The following SEMA6D variants were observed in gnomAD, a reference collection of about 807,000 sequenced individuals.
SEMA6D encodes the protein semaphorin-6D.
In SEMA6D, 35 loss-of-function variants were observed where a neutral mutation model predicts 106.6. The ratio of observed to expected loss-of-function variants is 0.33; its 90% CI spans 0.25 to 0.44. SEMA6D has a LOEUF of 0.44. SEMA6D is among the 20% of genes least tolerant of loss of function. The pLI, the probability that SEMA6D is intolerant of heterozygous loss-of-function variation, is 1.00. For synonymous variants in SEMA6D, 499 were observed against 487.7 expected (o/e 1.02, Z -0.31); for missense variants, 1,185 against 1,345.9 (o/e 0.88, Z 1.87).
intron 1 of SEMA6D, among the ~76,000 whole-genome samples, chr15:47,307,225 TAAC>T: frequency 6.6e-6 from 1 of 152,256 alleles, no homozygotes. Context: ...CTGTTACTAT[TAAC>T]AAATTCCTTG....
intron 3 of SEMA6D, among the ~76,000 whole-genome samples, chr15:47,508,465 T>C (rs1302543880): frequency 6.6e-6 from 1 of 152,182 alleles, no homozygotes; most frequent in Non-Finnish European, 1.5e-5. Context: ...CGGATTTTTC[T>C]GAAAACCCTG....
At chr15:47,264,349 T>TA (rs2034216937) in intron 1 of SEMA6D, among the ~76,000 whole-genome samples, 1 of 151,824 alleles carries the variant, frequency 6.6e-6, no homozygotes, top group Non-Finnish European at 1.5e-5. Context: ...AGGTTTTTTT[T>TA]TTTTAAATAT....
intron 3 of SEMA6D, among the ~76,000 whole-genome samples, chr15:47,482,018 A>T (rs919036772): frequency 6.6e-6 from 1 of 152,136 alleles, no homozygotes; most frequent in Non-Finnish European, 1.5e-5. Flanking sequence ...CGAGAGTTGG[A>T]CAGAGTTGAG....
intron 1 of SEMA6D, among the ~76,000 whole-genome samples, chr15:47,318,881 C>G (rs1595721339): frequency 1.3e-5 from 2 of 151,274 alleles, no homozygotes; most frequent in East Asian, 3.9e-4. Context: ...TACAGTCCCA[C>G]CAACAGTGTA....
chr15:47,540,556 A>G (rs2045324294), intron 3 of SEMA6D, among the ~76,000 whole-genome samples: 1 of 152,214 alleles, frequency 6.6e-6, no homozygotes, highest in South Asian at 2.1e-4. Context: ...GTTCTTAGCC[A>G]GTATGCACCA....
chr15:47,532,979 T>C (rs1440996805), intron 3 of SEMA6D, among the ~76,000 whole-genome samples: 1 of 152,172 alleles, frequency 6.6e-6, no homozygotes, highest in Non-Finnish European at 1.5e-5. Context: ...ATGATCATGA[T>C]GAGGCTACCA....
In SEMA6D at chr15:47,711,081, G is replaced by A. The variant is rs371652625; in HGVS notation, c.-54-48664G>A. On this transcript the variant is annotated intron_variant, in intron 4 of 19. Transcript: ENST00000558014. Reference sequence around the variant, plus strand: ...TCCCAGCACTTTGGGAGGCCGAGGCGGGCGGATCACGAGGTCAGGAGATCG... The same window carrying A: ...TCCCAGCACTTTGGGAGGCCGAGGCAGGCGGATCACGAGGTCAGGAGATCG... Among the ~76,000 whole-genome samples, 7 of 151,976 alleles carry A rather than the reference G, an allele frequency of 4.6e-5. No homozygotes were observed. In the East Asian group the frequency reaches 9.7e-4, roughly 21 times the overall value.
intron 1 of SEMA6D, among the ~76,000 whole-genome samples, chr15:47,196,668 A>C (rs1894382149): frequency 6.6e-6 from 1 of 152,206 alleles, no homozygotes; most frequent in Non-Finnish European, 1.5e-5. Context: ...AGGCAGAGCT[A>C]TGTAAAATGT....
rs150422339 is a variant in SEMA6D at position 47,746,576 on chromosome 15, A to T, written c.-54-13169A>T. On this transcript the variant is annotated intron_variant, in intron 1 of 18. Transcript: ENST00000536845. ...TGGTTGCATCAGACAAGTCAGTAGCATCAGAACAAACATACTCTACTTCTG... is the reference window on the plus strand; with the variant it reads ...TGGTTGCATCAGACAAGTCAGTAGCTTCAGAACAAACATACTCTACTTCTG... Among the ~76,000 whole-genome samples, 1,243 of 152,330 alleles carry T rather than the reference A, an allele frequency of 8.2e-3. 13 individuals carry two copies. The highest frequency in any genetic ancestry group is 0.029 in the African/African-American group (1,213 of 41,568).
intron 3 of SEMA6D, among the ~76,000 whole-genome samples, chr15:47,595,728 T>C (rs1269126654): frequency 2.6e-5 from 4 of 152,140 alleles, no homozygotes. Flanking sequence ...GGAGAAAATT[T>C]TATTGTTGAT....
chr15:47,380,952 T>C (rs886253055), intron 1 of SEMA6D, among the ~76,000 whole-genome samples: 1 of 152,214 alleles, frequency 6.6e-6, no homozygotes, highest in African/African-American at 2.4e-5. Context: ...CTCCAGTCTC[T>C]AGTGATGATA....
chr15:47,543,309 G>A (rs1356926527), intron 3 of SEMA6D, among the ~76,000 whole-genome samples: 6 of 152,098 alleles, frequency 3.9e-5, no homozygotes, highest in Admixed American at 3.9e-4. Flanking sequence ...GGTGGGGCCA[G>A]GTGAAGATAA....
chr15:47,463,104 AG>A (rs2042561440), intron 2 of SEMA6D, among the ~76,000 whole-genome samples: 1 of 152,180 alleles, frequency 6.6e-6, no homozygotes, highest in African/African-American at 2.4e-5. Context: ...CTGAAGGAAT[AG>A]CAGCAATCCA....
intron 1 of SEMA6D, among the ~76,000 whole-genome samples, chr15:47,276,118 T>C (rs1197224271): frequency 6.6e-6 from 1 of 152,116 alleles, no homozygotes; most frequent in Non-Finnish European, 1.5e-5. Context: ...GAAGAAAAGT[T>C]TGAAGCTAGC....
At chr15:47,398,854 G>A (rs1031466926) in intron 1 of SEMA6D, among the ~76,000 whole-genome samples, 3 of 152,102 alleles carry the variant, frequency 2.0e-5, no homozygotes, top group Non-Finnish European at 4.4e-5. Flanking sequence ...ATCCATGGAG[G>A]ATGTGCACCA....
chr15:47,286,636 T>G (rs904439541), intron 1 of SEMA6D, among the ~76,000 whole-genome samples: 2 of 152,144 alleles, frequency 1.3e-5, no homozygotes, highest in Admixed American at 1.3e-4. Context: ...TGTTGTGTTA[T>G]GTGAAGTACA....
intron 1 of SEMA6D, among the ~76,000 whole-genome samples, chr15:47,185,328 A>G (rs1893488530): frequency 6.6e-6 from 1 of 152,216 alleles, no homozygotes; most frequent in Non-Finnish European, 1.5e-5. Context: ...TCTAATTCAC[A>G]GAGACAGCCT....
chr15:47,381,929 A>T (rs1236448634), intron 1 of SEMA6D, among the ~76,000 whole-genome samples: 1 of 152,108 alleles, frequency 6.6e-6, no homozygotes, highest in Non-Finnish European at 1.5e-5. Flanking sequence ...CAGTGAAGAT[A>T]TGTTGAATAT....
chr15:47,338,754 T>C (rs2037679047), intron 1 of SEMA6D, among the ~76,000 whole-genome samples: 1 of 152,274 alleles, frequency 6.6e-6, no homozygotes, highest in South Asian at 2.1e-4. Context: ...GATGTTATGA[T>C]AGATATATTG....
Sources: gnomAD v4.1 joint callset for allele counts (sites outside exome capture counted in the v4.1 genomes callset) on GRCh38, gnomAD v4.1.1 for gene constraint, MANE v1.5 for transcripts, NCBI Gene and HGNC (gene_info 2026-07-23, HGNC 2026-07-21) for gene names.